Variants in CP observed in about 807,000 individuals in gnomAD.
CP encodes the protein caeruloplasmin.
A neutral mutation model predicts 122.4 loss-of-function variants in CP; 64 were observed. The observed-to-expected ratio is 0.52, with a 90% CI of 0.43 to 0.64. The LOEUF (loss-of-function observed/expected upper bound fraction) is 0.64. CP is among the 30% of genes least tolerant of loss of function. The probability of loss-of-function intolerance (pLI) is 0.00; values close to 1 mark genes in which losing one functional copy is unlikely to be tolerated. For synonymous variants in CP, 440 were observed against 436.4 expected, an observed-to-expected ratio of 1.01 and a Z score of -0.10; for missense variants, 1,167 against 1,284.4, an observed-to-expected ratio of 0.91 and a Z score of 1.40.
intron 9 of CP, among the ~76,000 whole-genome samples, chr3:149,196,866 G>A (rs988444444): frequency 6.6e-6 from 1 of 152,114 alleles, no homozygotes; most frequent in Non-Finnish European, 1.5e-5. Context: ...GCACGTATAC[G>A]CCCAGATGGC....
chr3:149,188,564 G>T (rs1317923557), intron 9 of CP, among the ~76,000 whole-genome samples: 1 of 137,374 alleles, frequency 7.3e-6, no homozygotes, highest in African/African-American at 2.7e-5. Flanking sequence ...AATCAGGGAA[G>T]ATTTCACATT....
intron 14 of CP, among the ~76,000 whole-genome samples, chr3:149,181,311 A>G (rs998951414): frequency 1.3e-5 from 2 of 152,092 alleles, no homozygotes; most frequent in Non-Finnish European, 2.9e-5. Context: ...CCTAGAATCA[A>G]TTCGTGCACA....
At chr3:149,209,977 G>C (rs1727998338) in intron 3 of CP, among the ~76,000 whole-genome samples, 190 bp downstream of exon 3, 1 of 152,106 alleles carries the variant, frequency 6.6e-6, no homozygotes, top group Non-Finnish European at 1.5e-5. Flanking sequence ...TTTCCCCGTA[G>C]GAATGCTTGT....
chr3:149,169,112 C>T (rs550729202), downstream of CP, among the ~76,000 whole-genome samples: 51 of 151,844 alleles, frequency 3.4e-4, no homozygotes, highest in African/African-American at 1.1e-3. Context: ...GACTGTAATA[C>T]CTCAAGAGCT....
intron 9 of CP, among the ~76,000 whole-genome samples, chr3:149,196,562 T>C (rs946594872): frequency 1.3e-5 from 2 of 152,186 alleles, no homozygotes; most frequent in Admixed American, 1.3e-4. Context: ...GGTGTCTCGT[T>C]ATACTAGAAA....
chr3:149,199,964 T>C (rs1431544020), intron 7 of CP, 100 bp from the exon 8 acceptor site: 2 of 1,217,600 alleles, frequency 1.6e-6, no homozygotes, highest in East Asian at 4.8e-5. Flanking sequence ...CAAGAACTAC[T>C]AGGAGCAACA....
In CP at chr3:149,203,036, A is replaced by T. The variant is rs190286274; in HGVS notation, c.1209-795T>A. 2.9e-3 allele frequency among the ~76,000 whole-genome samples: 436 copies of T among 148,700 alleles called. 4 individuals carry two copies. Among genetic ancestry groups the T allele is most frequent in the African/African-American group, 0.011 (423 of 40,034 alleles). ...ATTCTCCTGCCTCAGCCTCCCGAGT[A>T]GCTGGGACTACAGGCGCCCGCCACA... is the stretch of plus-strand genomic sequence containing the variant. On this transcript the variant is annotated intron_variant, in intron 6 of 18. Transcript: ENST00000264613.
intron 9 of CP, among the ~76,000 whole-genome samples, chr3:149,195,822 T>TGC (rs1482913479): frequency 6.8e-6 from 1 of 146,996 alleles, no homozygotes; most frequent in Non-Finnish European, 1.5e-5. Flanking sequence ...GCTGAGATCA[T>TGC]GCCACTGCAC....
At chr3:149,196,476 C>T (rs990274695) in intron 9 of CP, among the ~76,000 whole-genome samples, 2 of 151,640 alleles carry the variant, frequency 1.3e-5, no homozygotes, top group African/African-American at 4.9e-5. Context: ...CCAAAAAAAA[C>T]AAAAAACAAA....
At chr3:149,173,893 C>A (rs1387674021) in intron 18 of CP, among the ~76,000 whole-genome samples, 163 bp from the exon 19 acceptor site, 1 of 151,940 alleles carries the variant, frequency 6.6e-6, no homozygotes, top group African/African-American at 2.4e-5. Context: ...TCTATTGCTG[C>A]TTTATTTAAA....
chr3:149,176,609 TG>T (rs1343837900), intron 17 of CP, 197 bp from the exon 18 acceptor site: 1 of 556,130 alleles, frequency 1.8e-6, no homozygotes, highest in Non-Finnish European at 3.2e-6. Flanking sequence ...CCACATCAAG[TG>T]GGTGTGAAAG....
At chr3:149,210,478 C>A in intron 2 of CP, 99 bp from the exon 3 acceptor site, 1 of 1,035,736 alleles carries the variant, frequency 9.7e-7, no homozygotes, top group Non-Finnish European at 1.5e-6. Flanking sequence ...ATTTATTAAA[C>A]ATCTACTATG....
chr3:149,181,632 T>G (rs1725780758), intron 14 of CP, among the ~76,000 whole-genome samples: 1 of 152,176 alleles, frequency 6.6e-6, no homozygotes, highest in African/African-American at 2.4e-5. Flanking sequence ...GAGTTCCAAG[T>G]GGCAGCCTCT....
downstream of CP, among the ~76,000 whole-genome samples, chr3:149,169,405 G>C (rs1475861017): frequency 1.3e-5 from 2 of 152,216 alleles, no homozygotes; most frequent in Admixed American, 6.5e-5. Context: ...GTTCAGGACT[G>C]AATCAAAAGT....
intron 18 of CP, among the ~76,000 whole-genome samples, chr3:149,175,829 G>C (rs1190038527): frequency 1.3e-5 from 2 of 151,980 alleles, no homozygotes; most frequent in Non-Finnish European, 2.9e-5. Flanking sequence ...CTGCCTATTT[G>C]AAATTATATT....
At chr3:149,220,965 G>A (rs1728768196) in intron 1 of CP, among the ~76,000 whole-genome samples, 2 of 152,118 alleles carry the variant, frequency 1.3e-5, no homozygotes, top group Admixed American at 6.5e-5. Flanking sequence ...TTTCAATAAG[G>A]GGATTTTCCA....
intron 4 of CP, 30 bp from the exon 5 acceptor site, chr3:149,207,647 A>C (rs749858910): frequency 3.7e-6 from 6 of 1,612,596 alleles, no homozygotes; most frequent in Non-Finnish European, 5.1e-6. Context: ...TTTGTGACTA[A>C]GAGTCATTAA....
chr3:149,181,883 C>A, intron 14 of CP, 122 bp downstream of exon 14: 1 of 1,116,146 alleles, frequency 9.0e-7, no homozygotes, highest in Admixed American at 1.8e-5. Context: ...CCTTGCATCC[C>A]CTCTTCACAA....
At position 149,184,647 on chromosome 3, in the gene CP, T is replaced by C. The variant is rs185083595; in HGVS notation, c.2285+592A>G. 1.2e-3 allele frequency among the ~76,000 whole-genome samples: 179 copies of C among 151,018 alleles called. 2 individuals are homozygous for C. Among genetic ancestry groups the C allele is most frequent in the African/African-American group, 3.7e-3 (149 of 40,274 alleles). ...AGATGCTGCTCTAAATTAATGTTTC[T>C]GAAGCTCTAATCATCCTCTACTTAT... On this transcript the variant is annotated intron_variant, in intron 12 of 18. Transcript: ENST00000264613.
Sources: allele counts gnomAD v4.1 joint callset (sites outside exome capture counted in the v4.1 genomes callset), GRCh38; gene constraint gnomAD v4.1.1; transcripts MANE v1.5; gene names NCBI Gene and HGNC (gene_info 2026-07-23, HGNC 2026-07-21).